Variants in SNRPD3 observed in about 807,000 individuals in gnomAD.
The protein encoded by SNRPD3 is small nuclear ribonucleoprotein D3 polypeptide.
For synonymous variants in SNRPD3, 66 were observed against 58.4 expected, an observed-to-expected ratio of 1.13 and a Z score of -0.59; for missense variants, 73 against 167.5, an observed-to-expected ratio of 0.44 and a Z score of 3.11.
chr22:24,557,107 G>A (rs1376091700), intron 1 of SNRPD3, among the ~76,000 whole-genome samples: 1 of 152,202 alleles, frequency 6.6e-6, no homozygotes, highest in Non-Finnish European at 1.5e-5. Flanking sequence ...ACATGTGGCC[G>A]TTGAGGACTT....
Position 24,572,216 on chromosome 22 carries a change from G to T in SNRPD3, c.*239G>T. 1.5e-6 allele frequency: 1 copy of T among 683,690 alleles called. No individual in the cohort carries two copies. The highest frequency in any genetic ancestry group is 2.7e-5 in the East Asian group (1 of 37,092). The allele number at this position is 683,690 out of a possible 1,614,324, so 42.4% of individuals were successfully genotyped here. A position where few individuals can be genotyped will look rare whatever the true frequency, so the allele number is the denominator to read the frequency against. On this transcript the variant is annotated 3_prime_UTR_variant, in exon 4 of 4. Coordinates refer to ENST00000215829, the MANE Select transcript of SNRPD3 (RefSeq NM_004175.5). Reference sequence around the variant, plus strand: ...TTTGGCTAAATTTTGACACCCTGGGGGATGTCCTGGGAGAATGCCAGTACT... The same window carrying T: ...TTTGGCTAAATTTTGACACCCTGGGTGATGTCCTGGGAGAATGCCAGTACT...
Position 24,572,059 on chromosome 22 carries a change from TA to T in SNRPD3, c.*83del. On this transcript the variant is annotated 3_prime_UTR_variant, in exon 4 of 4. Coordinates refer to ENST00000215829, the MANE Select transcript of SNRPD3 (RefSeq NM_004175.5). Reference sequence around the variant, plus strand: ...GGAGTGGGTGCTTGTGCATATATGCTAGGTATCTTTTGCCATCTTTCTCTTT... The same window carrying T: ...GGAGTGGGTGCTTGTGCATATATGCTGGTATCTTTTGCCATCTTTCTCTTT... 6.3e-7 allele frequency: 1 copy of T among 1,588,082 alleles called. No individual in the cohort carries two copies. Among genetic ancestry groups the T allele is most frequent in the Non-Finnish European group, 8.6e-7 (1 of 1,166,590 alleles).
intron 3 of SNRPD3, 119 bp from the exon 4 acceptor site, chr22:24,571,797 G>A (rs1400482230): frequency 2.2e-6 from 2 of 901,926 alleles, no homozygotes; most frequent in Non-Finnish European, 3.5e-6. Context: ...CCAGGGTGGT[G>A]TTGGACCAGG....
chr22:24,563,493 G>A (rs1403174627), intron 2 of SNRPD3, among the ~76,000 whole-genome samples: 1 of 151,964 alleles, frequency 6.6e-6, no homozygotes, highest in Non-Finnish European at 1.5e-5. Flanking sequence ...GCAGGATAGG[G>A]CATCAGCTGC....
At chr22:24,570,033 G>A (rs1175885375) in intron 3 of SNRPD3, among the ~76,000 whole-genome samples, 1 of 152,222 alleles carries the variant, frequency 6.6e-6, no homozygotes, top group East Asian at 1.9e-4. Context: ...ATTAAAGGAT[G>A]GACAACCATG....
At chr22:24,558,930 C>G (rs1000490117) in intron 2 of SNRPD3, among the ~76,000 whole-genome samples, 43 of 152,148 alleles carry the variant, frequency 2.8e-4, no homozygotes, top group Admixed American at 2.6e-4. Flanking sequence ...TCCTCATAGC[C>G]TGTTCTCTTT....
chr22:24,555,949 C>G, upstream of SNRPD3: 1 of 1,003,200 alleles, frequency 1.0e-6, no homozygotes, highest in South Asian at 1.6e-5. Context: ...GAGGCGGGCC[C>G]TGCGCGCAGC....
At chr22:24,570,144 G>C (rs1429668655) in intron 3 of SNRPD3, among the ~76,000 whole-genome samples, 1 of 152,240 alleles carries the variant, frequency 6.6e-6, no homozygotes, top group Non-Finnish European at 1.5e-5. Context: ...TCTCTCTGCA[G>C]CATTTGTTCC....
chr22:24,558,054 A>G, intron 2 of SNRPD3: 3 of 299,866 alleles, frequency 1.0e-5, no homozygotes, highest in Non-Finnish European at 1.2e-5. Context: ...TCCATCCCCA[A>G]ATATGGGGGT....
At chr22:24,570,282 T>C (rs2045237170) in intron 3 of SNRPD3, among the ~76,000 whole-genome samples, 1 of 152,176 alleles carries the variant, frequency 6.6e-6, no homozygotes, top group Non-Finnish European at 1.5e-5. Context: ...GTCTCCTGAG[T>C]CCTGCTTCTG....
chr22:24,559,232 A>G (rs577028265), intron 2 of SNRPD3, among the ~76,000 whole-genome samples: 1 of 152,274 alleles, frequency 6.6e-6, no homozygotes, highest in Admixed American at 6.5e-5. Context: ...TGCGAGGTTG[A>G]CAAGCTTGGT....
rs2045266915 is a variant in SNRPD3 at position 24,573,647 on chromosome 22, G to A, written c.*1670G>A. Among the ~76,000 whole-genome samples the A allele has an allele frequency of 6.6e-6, 1 of 152,216 alleles. No homozygotes were observed. Among genetic ancestry groups the A allele is most frequent in the Non-Finnish European group, 1.5e-5 (1 of 68,040 alleles). ...GCCAGCACTTTGGGAGGTCGAGGCG[G>A]GAGGATCACTTGAACCTAGGAGTTT... On this transcript the variant is annotated 3_prime_UTR_variant, in exon 4 of 4. Transcript: ENST00000215829.
Position 24,561,064 on chromosome 22 carries a change from CTTTTTTTTTTTTT to C in SNRPD3, c.126+3277_126+3289del, listed in dbSNP as rs1164120857. Among the ~76,000 whole-genome samples, 61 of 61,694 alleles carry C rather than the reference CTTTTTTTTTTTTT, an allele frequency of 9.9e-4. 2 individuals are homozygous for C. In the South Asian group the frequency reaches 0.03, roughly 30 times the overall value. 40.5% of individuals were successfully genotyped at this position (61,694 alleles called of 152,430 possible). ...TTTTTTTTCTTTTCCTTTTTCTTTT[CTTTTTTTTTTTTT>C]TTTTTTTTTTTTGAGATTAAGCTTT... On this transcript the variant is annotated intron_variant, in intron 2 of 3. Transcript: ENST00000215829.
At chr22:24,558,071 G>A (rs2045097677) in intron 2 of SNRPD3, 1 of 265,148 alleles carries the variant, frequency 3.8e-6, no homozygotes, top group Non-Finnish European at 7.1e-6. Context: ...GGGTCTATTT[G>A]GGAGAAGTGC....
At chr22:24,567,583 C>T (rs2045207760) in intron 2 of SNRPD3, among the ~76,000 whole-genome samples, 1 of 152,078 alleles carries the variant, frequency 6.6e-6, no homozygotes, top group African/African-American at 2.4e-5. Context: ...CCCACCTCTA[C>T]TAAAAATACA....
rs1428729088 is a variant in SNRPD3 at position 24,574,756 on chromosome 22, G to T, written c.*2779G>T. Among the ~76,000 whole-genome samples the T allele has an allele frequency of 2.0e-5, 3 of 152,090 alleles. No individual in the cohort carries two copies. Among genetic ancestry groups the T allele is most frequent in the Non-Finnish European group, 2.9e-5 (2 of 68,024 alleles). On this transcript the variant is annotated 3_prime_UTR_variant, in exon 4 of 4. Coordinates refer to ENST00000215829, the MANE Select transcript of SNRPD3 (RefSeq NM_004175.5). Reference sequence around the variant, plus strand: ...AGGGTTTTGCCATGTTGCCCAAGCTGGTCTTGAACTCCGGGGCTCAAGTGA... The same window carrying T: ...AGGGTTTTGCCATGTTGCCCAAGCTTGTCTTGAACTCCGGGGCTCAAGTGA...
In SNRPD3 at chr22:24,574,468, CCAA is replaced by C. The variant is rs2045273365; in HGVS notation, c.*2493_*2495del. Among the ~76,000 whole-genome samples, 1 of 152,212 alleles carries C rather than the reference CCAA, an allele frequency of 6.6e-6. No homozygotes were observed. Among genetic ancestry groups the C allele is most frequent in the Non-Finnish European group, 1.5e-5 (1 of 68,024 alleles). On this transcript the variant is annotated 3_prime_UTR_variant, in exon 4 of 4. Coordinates refer to ENST00000215829, the MANE Select transcript of SNRPD3 (RefSeq NM_004175.5). Reference sequence around the variant, plus strand: ...CTTTCCTTGCCTCACAGTAGTCTGTCCAACTCTTGGCTGATTTGTTTGTATTTA... The same window carrying C: ...CTTTCCTTGCCTCACAGTAGTCTGTCCTCTTGGCTGATTTGTTTGTATTTA...
chr22:24,573,631 T>G lies in SNRPD3; in HGVS notation c.*1654T>G, dbSNP rs1458134749. On this transcript the variant is annotated 3_prime_UTR_variant, in exon 4 of 4. Transcript: ENST00000215829. ...GCCCCACGCCTATAATGCCAGCACT[T>G]TGGGAGGTCGAGGCGGGAGGATCAC... is the stretch of plus-strand genomic sequence containing the variant. Among the ~76,000 whole-genome samples, 6 of 152,160 alleles carry G rather than the reference T, an allele frequency of 3.9e-5. No individual in the cohort carries two copies. The highest frequency in any genetic ancestry group is 3.9e-4 in the Admixed American group (6 of 15,280).
In SNRPD3 at chr22:24,571,954, A is replaced by C; in HGVS notation, c.358A>C (p.Asn120His). Residue 120 changes from asparagine to histidine, a missense_variant, in exon 4 of 4, where the codon AAC (asparagine) becomes CAC (histidine). Physicochemically the swap from Asn to His is moderately conservative, Grantham distance 68. Transcript: ENST00000215829. ...RGRGRGMGRG[N>H]IFQKRR ...AAGAGGACGTGGAATGGGACGTGGA[A>C]ACATCTTTCAAAAGCGAAGATAATT... 1 of 1,614,144 alleles carries C rather than the reference A, an allele frequency of 6.2e-7. No individual in the cohort carries two copies. Among genetic ancestry groups the C allele is most frequent in the Non-Finnish European group, 8.5e-7 (1 of 1,179,988 alleles).
Sources: gnomAD v4.1 joint callset for allele counts (sites outside exome capture counted in the v4.1 genomes callset) on GRCh38, gnomAD v4.1.1 for gene constraint, MANE v1.5 for transcripts, NCBI Gene and HGNC (gene_info 2026-07-23, HGNC 2026-07-21) for gene names.